Variants in ALCAM observed in about 807,000 individuals in gnomAD.
ALCAM encodes CD166 antigen.
ALCAM carries 30 observed loss-of-function variants against 70.9 expected under a neutral mutation model. That is an observed-to-expected ratio of 0.42 (90% CI 0.32 to 0.57). The LOEUF is 0.57. Among genes scored for constraint, ALCAM ranks in the 20% least tolerant of loss-of-function variants. The probability of loss-of-function intolerance (pLI) is 0.11; values close to 1 mark genes in which losing one functional copy is unlikely to be tolerated. For missense variants in ALCAM, 591 were observed against 695.1 expected (o/e 0.85, Z 1.68); for synonymous variants, 249 against 242.5 (o/e 1.03, Z -0.25).
chr3:105,507,905 G>A (rs935087497), intron 1 of ALCAM, among the ~76,000 whole-genome samples: 11 of 152,224 alleles, frequency 7.2e-5, no homozygotes, highest in East Asian at 1.9e-4. Context: ...TACCCCTGCC[G>A]TTTTTGGTGT....
chr3:105,538,345 G>C lies in ALCAM; in HGVS notation c.731-1630G>C, dbSNP rs532721117. ...TAAGAGAGGGCAAAGGAGAAAGCCA[G>C]GGCAATGGGCAAAATGATGATTTAC... On this transcript the variant is annotated intron_variant, in intron 6 of 15. Coordinates refer to ENST00000306107, the MANE Select transcript of ALCAM (RefSeq NM_001627.4). Among the ~76,000 whole-genome samples the C allele has an allele frequency of 2.0e-5, 3 of 152,222 alleles. No individual in the cohort carries two copies. In the South Asian group the frequency reaches 6.2e-4, roughly 32 times the overall value.
intron 14 of ALCAM, among the ~76,000 whole-genome samples, chr3:105,569,915 T>C (rs1940827058): frequency 6.6e-6 from 1 of 152,156 alleles, no homozygotes; most frequent in Non-Finnish European, 1.5e-5. Context: ...GAAAGAACCA[T>C]GCCTTAGGAA....
intron 1 of ALCAM, among the ~76,000 whole-genome samples, chr3:105,515,871 A>T (rs1019262756): frequency 6.6e-6 from 1 of 152,072 alleles, no homozygotes; most frequent in Non-Finnish European, 1.5e-5. Flanking sequence ...TTCTAAGGAT[A>T]AACTTCTCAT....
chr3:105,432,914 G>T (rs956861997), intron 1 of ALCAM, among the ~76,000 whole-genome samples: 2 of 152,094 alleles, frequency 1.3e-5, no homozygotes, highest in African/African-American at 4.8e-5. Context: ...CGTAACAGGA[G>T]CATATATTAA....
chr3:105,490,923 A>G (rs563631391), intron 1 of ALCAM, among the ~76,000 whole-genome samples: 33 of 152,130 alleles, frequency 2.2e-4, no homozygotes, highest in Non-Finnish European at 3.4e-4. Flanking sequence ...CAGTGCCCCA[A>G]TGGGAACTCT....
At chr3:105,525,775 A>T (rs1939689976) in intron 3 of ALCAM, among the ~76,000 whole-genome samples, 1 of 152,230 alleles carries the variant, frequency 6.6e-6, no homozygotes, top group Non-Finnish European at 1.5e-5. Context: ...AGAACCTTGT[A>T]AGAGCATATT....
chr3:105,520,028 T>C (rs1190043836), intron 1 of ALCAM, 39 bp from the exon 2 acceptor site: 4 of 1,396,206 alleles, frequency 2.9e-6, no homozygotes, highest in Non-Finnish European at 4.0e-6. Context: ...TTGTTCTCTC[T>C]CTCTTTCTCT....
At chr3:105,447,139 A>G (rs527957062) in intron 1 of ALCAM, among the ~76,000 whole-genome samples, 10 of 152,054 alleles carry the variant, frequency 6.6e-5, no homozygotes, top group African/African-American at 2.4e-4. Context: ...ATTTATTATT[A>G]TGTGTCTCTT....
In ALCAM at chr3:105,533,658, G is replaced by A. The variant is rs1358282941; in HGVS notation, c.515G>A (p.Arg172Lys). The A allele has an allele frequency of 1.9e-6, 3 of 1,611,836 alleles. No homozygotes were observed. Among genetic ancestry groups the A allele is most frequent in the South Asian group, 2.2e-5 (2 of 91,008 alleles). The change falls in exon 5 of 16, where the codon AGG becomes AAG. Residue 172 changes from arginine (R) to lysine (K), a missense_variant. Transcript: ENST00000306107. ...CCAGATGGCAATATCACATGGTACA[G>A]GAATGGAAAAGTGCTACATCCCCTT... ...SYPDGNITWY[R>K]NGKVLHPLEG... is the part of the protein sequence containing the mutation.
intron 1 of ALCAM, among the ~76,000 whole-genome samples, chr3:105,486,739 TA>T (rs1938439564): frequency 6.6e-6 from 1 of 152,128 alleles, no homozygotes; most frequent in South Asian, 2.1e-4. Context: ...GTCAGCTTCT[TA>T]TAGTTAACCA....
At chr3:105,462,532 T>G (rs1416077141) in intron 1 of ALCAM, among the ~76,000 whole-genome samples, 4 of 151,522 alleles carry the variant, frequency 2.6e-5, no homozygotes, top group African/African-American at 7.3e-5. Context: ...TTGAAGTACA[T>G]TATGTATCAA....
rs541954474 is a variant in ALCAM, at chr3:105,440,874, C to T, written c.73+73393C>T. On this transcript the variant is annotated intron_variant, in intron 1 of 15. Transcript: ENST00000306107. Reference sequence around the variant, plus strand: ...GGCATTGAAGGACTGATGTGAGTTACTCTGGTAGTCCTGGCACTTAGGGTC... The same window carrying T: ...GGCATTGAAGGACTGATGTGAGTTATTCTGGTAGTCCTGGCACTTAGGGTC... The T allele has an allele frequency of 2.0e-5, 3 of 152,318 alleles. No homozygotes were observed. The South Asian group carries it at 6.2e-4, about 32-fold the overall frequency. The allele number at this position is 152,318 out of a possible 1,614,324, so 9.4% of individuals were successfully genotyped here.
intron 1 of ALCAM, among the ~76,000 whole-genome samples, chr3:105,380,233 C>T (rs1935485896): frequency 6.6e-6 from 1 of 151,750 alleles, no homozygotes. Context: ...AATTGATATT[C>T]ATCATCTTAT....
At chr3:105,402,435 A>G (rs1354886099) in intron 1 of ALCAM, among the ~76,000 whole-genome samples, 1 of 152,156 alleles carries the variant, frequency 6.6e-6, no homozygotes, top group Non-Finnish European at 1.5e-5. Context: ...TGAGATGCTG[A>G]AAAACTGTGA....
chr3:105,488,445 A>C (rs968393297), intron 1 of ALCAM, among the ~76,000 whole-genome samples: 19 of 152,274 alleles, frequency 1.2e-4, no homozygotes, highest in Admixed American at 2.6e-4. Context: ...ATACAGGTAC[A>C]GTAGCAAAGG....
Position 105,401,738 on chromosome 3 carries a change from G to A in ALCAM, c.73+34257G>A, listed in dbSNP as rs538708121. 1.1e-4 allele frequency among the ~76,000 whole-genome samples: 16 copies of A among 151,992 alleles called. No individual in the cohort carries two copies. In the South Asian group the frequency reaches 1.9e-3, roughly 18 times the overall value. On this transcript the variant is annotated intron_variant, in intron 1 of 15. Transcript: ENST00000306107. ...ATAGTATAGCCCTTTTAATGACCCCGTCTTTCTCATTATTAAGGAATGTCC... is the reference window on the plus strand; with the variant it reads ...ATAGTATAGCCCTTTTAATGACCCCATCTTTCTCATTATTAAGGAATGTCC...
intron 1 of ALCAM, among the ~76,000 whole-genome samples, chr3:105,508,293 G>C (rs1939137337): frequency 6.6e-6 from 1 of 152,032 alleles, no homozygotes; most frequent in Non-Finnish European, 1.5e-5. Context: ...ATCATTTTTT[G>C]TATATCTAAT....
At chr3:105,532,868 T>C (rs1264308216) in intron 4 of ALCAM, among the ~76,000 whole-genome samples, 3 of 152,150 alleles carry the variant, frequency 2.0e-5, no homozygotes, top group African/African-American at 7.2e-5. Flanking sequence ...CTTTATTCTG[T>C]TGGCAAATTA....
chr3:105,469,751 C>G (rs1399743229), intron 1 of ALCAM, among the ~76,000 whole-genome samples: 1 of 151,062 alleles, frequency 6.6e-6, no homozygotes, highest in Non-Finnish European at 1.5e-5. Context: ...CTGCTGTTAT[C>G]ACCTTCTGGA....
Sources: gnomAD v4.1 joint callset for allele counts (sites outside exome capture counted in the v4.1 genomes callset) on GRCh38, gnomAD v4.1.1 for gene constraint, MANE v1.5 for transcripts, NCBI Gene and HGNC (gene_info 2026-07-23, HGNC 2026-07-21) for gene names.